The following NOS1AP variants were observed in gnomAD, a reference collection of about 807,000 sequenced individuals.
NOS1AP encodes nitric oxide synthase 1 adaptor protein.
A neutral mutation model predicts 56.2 loss-of-function variants in NOS1AP; 21 were observed. That is an observed-to-expected ratio of 0.37 (90% CI 0.26 to 0.54). The LOEUF is 0.54. Among genes scored for constraint, NOS1AP ranks in the 20% least tolerant of loss-of-function variants. The pLI, the probability that NOS1AP is intolerant of heterozygous loss-of-function variation, is 0.84. For missense variants in NOS1AP, 522 were observed against 657.8 expected (o/e 0.79, Z 2.26); for synonymous variants, 270 against 274.6 (o/e 0.98, Z 0.17).
intron 1 of NOS1AP, among the ~76,000 whole-genome samples, chr1:162,109,959 G>A (rs1018098474): frequency 1.3e-5 from 2 of 152,226 alleles, no homozygotes; most frequent in African/African-American, 4.8e-5. Context: ...GCCAACTGCA[G>A]ACTGCAGTGT....
chr1:162,294,197 A>AAGGG, intron 3 of NOS1AP, among the ~76,000 whole-genome samples: 1 of 24,636 alleles, frequency 4.1e-5, no homozygotes, highest in African/African-American at 7.6e-5. Context: ...GGAAGGAAGT[A>AAGGG]AGGAAGGAAG....
At chr1:162,236,363 C>G (rs1003375779) in intron 2 of NOS1AP, among the ~76,000 whole-genome samples, 1 of 152,192 alleles carries the variant, frequency 6.6e-6, no homozygotes. Context: ...TTTACAGATA[C>G]GATCTCACTT....
intron 2 of NOS1AP, among the ~76,000 whole-genome samples, chr1:162,197,771 C>T (rs773558017): frequency 6.6e-6 from 1 of 152,224 alleles, no homozygotes; most frequent in Non-Finnish European, 1.5e-5. Context: ...TCCAGAATGT[C>T]ATTTTCCTGA....
intron 1 of NOS1AP, among the ~76,000 whole-genome samples, chr1:162,130,303 A>G (rs190359788): frequency 6.6e-6 from 1 of 152,228 alleles, no homozygotes; most frequent in African/African-American, 2.4e-5. Context: ...CAGAACTAGG[A>G]TTTGAATTCA....
At chr1:162,120,511 AC>A (rs1648168114) in intron 1 of NOS1AP, among the ~76,000 whole-genome samples, 2 of 152,186 alleles carry the variant, frequency 1.3e-5, no homozygotes, top group African/African-American at 4.8e-5. Flanking sequence ...GGTTTAATGG[AC>A]TCACAGTTCC....
chr1:162,273,984 G>T (rs1420637805), intron 2 of NOS1AP, among the ~76,000 whole-genome samples: 1 of 152,134 alleles, frequency 6.6e-6, no homozygotes, highest in Non-Finnish European at 1.5e-5. Flanking sequence ...GGATATTTGA[G>T]TCGTTTCTAA....
At chr1:162,109,708 A>C (rs1285791412) in intron 1 of NOS1AP, among the ~76,000 whole-genome samples, 3 of 152,054 alleles carry the variant, frequency 2.0e-5, no homozygotes, top group African/African-American at 7.2e-5. Flanking sequence ...GGTCTCTATT[A>C]AGTTTCATTT....
At chr1:162,150,304 C>G (rs4656354) in intron 1 of NOS1AP, among the ~76,000 whole-genome samples, 68,203 of 152,132 alleles carry the variant, frequency 0.45, 18,827 homozygotes, top group Non-Finnish European at 0.61. Flanking sequence ...ATGACAGGAT[C>G]TCATTCTTTT....
intron 2 of NOS1AP, among the ~76,000 whole-genome samples, chr1:162,194,867 A>G (rs980280579): frequency 2.0e-4 from 30 of 152,178 alleles, no homozygotes; most frequent in African/African-American, 7.2e-4. Flanking sequence ...TTCAGTCCTG[A>G]AAAAGTGACC....
At chr1:162,349,643 G>A (rs145152282) in intron 6 of NOS1AP, among the ~76,000 whole-genome samples, 377 of 152,318 alleles carry the variant, frequency 2.5e-3, no homozygotes, top group African/African-American at 5.8e-3. Flanking sequence ...TATGCTCTCC[G>A]TAAGTACCCA....
intron 2 of NOS1AP, among the ~76,000 whole-genome samples, chr1:162,165,194 G>C (rs1243671282): frequency 6.6e-6 from 1 of 152,110 alleles, no homozygotes; most frequent in Non-Finnish European, 1.5e-5. Context: ...GGTGCCGCAT[G>C]CCTGTAATCC....
At chr1:162,075,803 C>G (rs1449503420) in intron 1 of NOS1AP, among the ~76,000 whole-genome samples, 1 of 151,724 alleles carries the variant, frequency 6.6e-6, no homozygotes, top group Non-Finnish European at 1.5e-5. Flanking sequence ...GCAGTGAGTT[C>G]CAAAGATACA....
At chr1:162,136,652 T>C (rs1328827242) in intron 1 of NOS1AP, among the ~76,000 whole-genome samples, 2 of 152,160 alleles carry the variant, frequency 1.3e-5, no homozygotes, top group Non-Finnish European at 2.9e-5. Context: ...GGTGGGTAAA[T>C]AGGGTACTCT....
intron 2 of NOS1AP, among the ~76,000 whole-genome samples, chr1:162,168,442 G>C (rs1650607116): frequency 6.6e-6 from 1 of 152,190 alleles, no homozygotes. Flanking sequence ...GTTTCTCTTT[G>C]GTCCTCAGCC....
intron 4 of NOS1AP, chr1:162,317,660 C>A (rs1429948239): frequency 6.6e-6 from 1 of 152,200 alleles, no homozygotes; most frequent in Non-Finnish European, 1.5e-5. Flanking sequence ...ACATGAGCCC[C>A]ATCCCTCAGG....
chr1:162,098,720 G>A (rs1189192047), intron 1 of NOS1AP, among the ~76,000 whole-genome samples: 1 of 152,076 alleles, frequency 6.6e-6, no homozygotes, highest in African/African-American at 2.4e-5. Flanking sequence ...GTGTCCATGT[G>A]TTCTCATCTT....
rs61378473 is a variant in NOS1AP at position 162,217,267 on chromosome 1, C to CTTTTTTTTTTTTTTTTTTT, written c.177+62805_177+62806insTTTTTTTTTTTTTTTTTTT. Among the ~76,000 whole-genome samples the CTTTTTTTTTTTTTTTTTTT allele has an allele frequency of 4.5e-3, 305 of 68,376 alleles. 87 individuals are homozygous for CTTTTTTTTTTTTTTTTTTT. The highest frequency in any genetic ancestry group is 0.021 in the East Asian group (38 of 1,836). The allele number at this position is 68,376 out of a possible 152,430, so 44.9% of individuals were successfully genotyped here. ...TGGGTCCTGAAACAGCTGTTGTTAG[C>CTTTTTTTTTTTTTTTTTTT]TTTTTTTTTTTTTTGAGATGAAGTC... On this transcript the variant is annotated intron_variant, in intron 2 of 9. Transcript: ENST00000361897.
chr1:162,364,527 A>G (rs1160307286), intron 8 of NOS1AP: 5 of 985,364 alleles, frequency 5.1e-6, no homozygotes, highest in Non-Finnish European at 6.0e-6. Flanking sequence ...GCTCACCAAG[A>G]ACAGAGCTGT....
intron 4 of NOS1AP, among the ~76,000 whole-genome samples, chr1:162,324,514 G>A (rs1439831843): frequency 6.9e-6 from 1 of 145,292 alleles, no homozygotes; most frequent in Non-Finnish European, 1.5e-5. Flanking sequence ...AAAGTGCTGT[G>A]TGGTGGTTTG....
Sources: gnomAD v4.1 joint callset for allele counts (sites outside exome capture counted in the v4.1 genomes callset) on GRCh38, gnomAD v4.1.1 for gene constraint, MANE v1.5 for transcripts, NCBI Gene and HGNC (gene_info 2026-07-23, HGNC 2026-07-21) for gene names.